Variants in NBEA observed in about 807,000 individuals in gnomAD.
NBEA encodes the protein neurobeachin, also known as lysosomal-trafficking regulator 2.
A neutral mutation model predicts 343.4 loss-of-function variants in NBEA; 44 were observed. The ratio of observed to expected loss-of-function variants is 0.13; its 90% confidence interval spans 0.10 to 0.16. NBEA has a LOEUF of 0.16. NBEA is among the 10% of genes least tolerant of loss of function. The pLI, the probability that NBEA is intolerant of heterozygous loss-of-function variation, is 1.00. For missense variants in NBEA, 2,555 were observed against 3,631.3 expected (o/e 0.70, Z 7.62); for synonymous variants, 1,175 against 1,238.7 (o/e 0.95, Z 1.08).
chr13:35,112,802 T>G (rs1179573227), intron 13 of NBEA, among the ~76,000 whole-genome samples: 1 of 152,100 alleles, frequency 6.6e-6, no homozygotes, highest in African/African-American at 2.4e-5. Context: ...TTTTTTCTGA[T>G]TCGATTGGTA....
chr13:35,343,663 G>GT (rs1416996996), intron 36 of NBEA, among the ~76,000 whole-genome samples: 1 of 152,106 alleles, frequency 6.6e-6, no homozygotes, highest in African/African-American at 2.4e-5. Flanking sequence ...TGTCAGATCA[G>GT]TGGCAGTATT....
At chr13:35,625,287 G>A (rs969642079) in intron 48 of NBEA, among the ~76,000 whole-genome samples, 12 of 152,144 alleles carry the variant, frequency 7.9e-5, no homozygotes, top group Non-Finnish European at 1.8e-4. Flanking sequence ...GAATGCATTT[G>A]CAGTGTTTCA....
At chr13:34,954,085 G>T (rs2059423237) in intron 1 of NBEA, among the ~76,000 whole-genome samples, 4 of 152,140 alleles carry the variant, frequency 2.6e-5, no homozygotes, top group Admixed American at 2.6e-4. Context: ...GGGGATCGCT[G>T]CCCTAAAGAA....
At chr13:35,539,771 C>T (rs1390454191) in intron 41 of NBEA, among the ~76,000 whole-genome samples, 1 of 151,376 alleles carries the variant, frequency 6.6e-6, no homozygotes, top group East Asian at 1.9e-4. Context: ...AAAAAATTAG[C>T]CGGGCGTGGT....
intron 36 of NBEA, among the ~76,000 whole-genome samples, chr13:35,317,703 C>T (rs1158243501): frequency 1.3e-5 from 2 of 152,144 alleles, no homozygotes; most frequent in Non-Finnish European, 2.9e-5. Flanking sequence ...GGCAATATGG[C>T]CATTTTCACA....
rs553810708 is a variant in NBEA, at chr13:35,252,291, G to A, written c.5776+19672G>A. Among the ~76,000 whole-genome samples the A allele has an allele frequency of 1.7e-4, 26 of 152,242 alleles. No homozygotes were observed. In the South Asian group the frequency reaches 3.3e-3, roughly 19 times the overall value. On this transcript the variant is annotated intron_variant, in intron 34 of 58. Coordinates refer to ENST00000379939, the MANE Select transcript of NBEA (RefSeq NM_001385012.1). ...AGATCTCATGAGAAGTCACTGTCCC[G>A]TGAACAGCATGGGAGAAATCACCCC...
intron 49 of NBEA, among the ~76,000 whole-genome samples, chr13:35,631,258 C>T (rs1380518923): frequency 1.3e-5 from 2 of 152,158 alleles, no homozygotes; most frequent in Non-Finnish European, 2.9e-5. Context: ...TATACAACCC[C>T]TATGAGTAGA....
At chr13:35,275,165 A>C (rs943517856) in intron 34 of NBEA, among the ~76,000 whole-genome samples, 10 of 152,184 alleles carry the variant, frequency 6.6e-5, no homozygotes, top group Non-Finnish European at 1.0e-4. Context: ...AGACATATAG[A>C]CCAAAGGAAT....
intron 40 of NBEA, among the ~76,000 whole-genome samples, chr13:35,463,752 G>C (rs1333407457): frequency 6.6e-6 from 1 of 152,078 alleles, no homozygotes; most frequent in East Asian, 1.9e-4. Flanking sequence ...CTAAAGGAGA[G>C]AATAGGAGTG....
chr13:35,451,392 G>C (rs1268031601), intron 39 of NBEA, among the ~76,000 whole-genome samples: 1 of 152,176 alleles, frequency 6.6e-6, no homozygotes, highest in Non-Finnish European at 1.5e-5. Context: ...AAAGTGCTGG[G>C]ATTACAGGCG....
At chr13:35,641,565 G>A (rs997349845) in intron 49 of NBEA, among the ~76,000 whole-genome samples, 1 of 152,078 alleles carries the variant, frequency 6.6e-6, no homozygotes, top group Non-Finnish European at 1.5e-5. Flanking sequence ...AAAAAAGGCA[G>A]AAACAGGAAA....
intron 40 of NBEA, among the ~76,000 whole-genome samples, chr13:35,465,648 T>G (rs1234739112): frequency 6.6e-6 from 1 of 152,202 alleles, no homozygotes; most frequent in Non-Finnish European, 1.5e-5. Flanking sequence ...CTCAGCTGGC[T>G]CACTTATTAA....
At chr13:35,250,127 G>A (rs1298988471) in intron 34 of NBEA, among the ~76,000 whole-genome samples, 2 of 152,210 alleles carry the variant, frequency 1.3e-5, no homozygotes, top group East Asian at 3.9e-4. Context: ...TTTGCAAGAT[G>A]AAAAACCTCT....
chr13:34,969,522 A>G (rs2059932065), intron 1 of NBEA, among the ~76,000 whole-genome samples: 1 of 151,958 alleles, frequency 6.6e-6, no homozygotes, highest in Non-Finnish European at 1.5e-5. Flanking sequence ...TTAGCCTAGT[A>G]GACATTAGTT....
At chr13:35,098,218 A>G in intron 10 of NBEA, 79 bp from the exon 11 acceptor site, 1 of 949,312 alleles carries the variant, frequency 1.1e-6, no homozygotes, top group Non-Finnish European at 1.6e-6. Context: ...ATCTTTTGGC[A>G]TAATAAAATA....
intron 23 of NBEA, among the ~76,000 whole-genome samples, chr13:35,162,190 T>G (rs2069613630): frequency 6.6e-6 from 1 of 152,128 alleles, no homozygotes; most frequent in African/African-American, 2.4e-5. Context: ...TCAGAGCCTG[T>G]AGTATTTAAG....
At chr13:35,312,959 C>G (rs2037467981) in intron 36 of NBEA, among the ~76,000 whole-genome samples, 1 of 152,144 alleles carries the variant, frequency 6.6e-6, no homozygotes, top group South Asian at 2.1e-4. Context: ...GAGTATTGAG[C>G]TCTCCAAAGA....
intron 38 of NBEA, among the ~76,000 whole-genome samples, chr13:35,353,418 G>A (rs1409561724): frequency 6.6e-6 from 1 of 151,870 alleles, no homozygotes; most frequent in Non-Finnish European, 1.5e-5. Flanking sequence ...CTGGGTGACA[G>A]AGTGAGACTT....
rs541434875 is a variant in NBEA at position 35,478,038 on chromosome 13, A to C, written c.6585+5502A>C. ...AGATGCCACGTCTTTCCAATTAAGA[A>C]TATTTCCCGTCAAATCCTATAACTC... On this transcript the variant is annotated intron_variant, in intron 41 of 58. Transcript: ENST00000379939. 2.0e-5 allele frequency among the ~76,000 whole-genome samples: 3 copies of C among 152,144 alleles called. 1 individual carries two copies.
Sources: allele counts gnomAD v4.1 joint callset (sites outside exome capture counted in the v4.1 genomes callset), GRCh38; gene constraint gnomAD v4.1.1; transcripts MANE v1.5; gene names NCBI Gene and HGNC (gene_info 2026-07-23, HGNC 2026-07-21).